The following PAM variants were observed in gnomAD, a reference collection of about 807,000 sequenced individuals.
PAM encodes peptidyl-glycine alpha-amidating monooxygenase.
In PAM, 72 loss-of-function variants were observed where a neutral mutation model predicts 122.1. The observed-to-expected ratio is 0.59, with a 90% CI of 0.49 to 0.72. The LOEUF (loss-of-function observed/expected upper bound fraction) is 0.72. PAM is among the 30% of genes least tolerant of loss of function. The pLI, the probability that PAM is intolerant of heterozygous loss-of-function variation, is 0.00. For missense variants in PAM, 1,106 were observed against 1,183.7 expected (o/e 0.93, Z 0.96); for synonymous variants, 389 against 404.4 (o/e 0.96, Z 0.46).
intron 3 of PAM, among the ~76,000 whole-genome samples, chr5:102,898,334 CAGTGTTCTTTCCACAGAG>C (rs1472949449): frequency 6.6e-6 from 1 of 151,402 alleles, no homozygotes; most frequent in Non-Finnish European, 1.5e-5. Context: ...AGCTCAGATA[CAGTGTTCTTTCCACAGAG>C]AGAAAAAGAG....
chr5:103,005,938 T>C (rs201399931), intron 18 of PAM, among the ~76,000 whole-genome samples: 19 of 130,266 alleles, frequency 1.5e-4, no homozygotes, highest in African/African-American at 3.2e-4. Flanking sequence ...GTTGTTGCTG[T>C]TGTTGTTGTT....
At chr5:102,920,665 T>C (rs1013634248) in intron 5 of PAM, among the ~76,000 whole-genome samples, 2 of 152,140 alleles carry the variant, frequency 1.3e-5, no homozygotes, top group African/African-American at 4.8e-5. Context: ...CCTCATGCTA[T>C]TGATTTTGTG....
chr5:103,012,855 C>CAA (rs777801743), intron 21 of PAM, among the ~76,000 whole-genome samples: 30,414 of 99,398 alleles, frequency 0.31, 3,743 homozygotes, highest in East Asian at 0.47. Flanking sequence ...GACTCTGCCT[C>CAA]AAAAAAAAAA....
At chr5:102,958,679 A>G (rs1761576487) in intron 12 of PAM, among the ~76,000 whole-genome samples, 1 of 152,168 alleles carries the variant, frequency 6.6e-6, no homozygotes, top group Non-Finnish European at 1.5e-5. Flanking sequence ...AGAGCTTCCC[A>G]TGGCAGGGGC....
intron 7 of PAM, among the ~76,000 whole-genome samples, chr5:102,941,739 TTAATA>T (rs1755285014): frequency 1.3e-5 from 2 of 150,522 alleles, no homozygotes; most frequent in African/African-American, 2.4e-5. Flanking sequence ...TAAAAAAACT[TTAATA>T]TATGAATTTT....
At chr5:102,884,233 A>G (rs1792252966) in intron 3 of PAM, among the ~76,000 whole-genome samples, 1 of 151,814 alleles carries the variant, frequency 6.6e-6, no homozygotes, top group African/African-American at 2.4e-5. Context: ...CTATTATTTT[A>G]TAGTTGTTAA....
chr5:102,845,243 G>T (rs774639034), intron 1 of PAM, among the ~76,000 whole-genome samples: 16 of 152,188 alleles, frequency 1.1e-4, no homozygotes, highest in Admixed American at 3.3e-4. Flanking sequence ...GAGAGGAGGG[G>T]CACATGAAAT....
intron 13 of PAM, among the ~76,000 whole-genome samples, chr5:102,960,791 A>G (rs1398632378): frequency 6.6e-6 from 1 of 151,774 alleles, no homozygotes; most frequent in Non-Finnish European, 1.5e-5. Context: ...TTAAGATTCT[A>G]CTATATTTAT....
At chr5:102,844,474 C>A (rs577220893) in intron 1 of PAM, among the ~76,000 whole-genome samples, 2 of 152,148 alleles carry the variant, frequency 1.3e-5, no homozygotes, top group South Asian at 4.2e-4. Flanking sequence ...TGAGACCAGC[C>A]TGGGTAACAT....
intron 3 of PAM, among the ~76,000 whole-genome samples, chr5:102,881,999 T>C (rs772177035): frequency 1.1e-4 from 16 of 143,446 alleles, no homozygotes; most frequent in Non-Finnish European, 2.1e-4. Context: ...TCCAGGTTGC[T>C]GTGAATGCCA....
chr5:102,988,091 G>T (rs1356297325), intron 15 of PAM, among the ~76,000 whole-genome samples: 1 of 151,856 alleles, frequency 6.6e-6, no homozygotes, highest in Non-Finnish European at 1.5e-5. Flanking sequence ...CAGAAATCAG[G>T]GTCAGCTAAT....
At chr5:102,995,768 T>G (rs565871384) in intron 16 of PAM, among the ~76,000 whole-genome samples, 1 of 152,080 alleles carries the variant, frequency 6.6e-6, no homozygotes, top group East Asian at 1.9e-4. Context: ...CATACTGAAT[T>G]TTTTTTGTCT....
At chr5:102,911,133 A>G (rs1801278038) in intron 4 of PAM, among the ~76,000 whole-genome samples, 1 of 151,960 alleles carries the variant, frequency 6.6e-6, no homozygotes, top group African/African-American at 2.4e-5. Context: ...TTGATTTGAC[A>G]TTCCTTTTGC....
At chr5:102,919,009 G>A (rs551628305) in intron 5 of PAM, among the ~76,000 whole-genome samples, 1 of 152,038 alleles carries the variant, frequency 6.6e-6, no homozygotes, top group African/African-American at 2.4e-5. Context: ...ACAAACCAAA[G>A]ATGGCTTCTA....
At chr5:102,960,594 C>A (rs1762163658) in intron 13 of PAM, among the ~76,000 whole-genome samples, 1 of 151,884 alleles carries the variant, frequency 6.6e-6, no homozygotes, top group Admixed American at 6.6e-5. Context: ...AGTTCCTCTG[C>A]AAAATGGTCA....
chr5:102,939,715 G>A (rs1376227047), intron 7 of PAM, among the ~76,000 whole-genome samples: 1 of 151,922 alleles, frequency 6.6e-6, no homozygotes, highest in Non-Finnish European at 1.5e-5. Context: ...AATGTATGAG[G>A]TATAATGTTC....
intron 5 of PAM, among the ~76,000 whole-genome samples, chr5:102,924,641 G>A (rs938674296): frequency 2.0e-5 from 3 of 151,756 alleles, no homozygotes; most frequent in African/African-American, 4.8e-5. Flanking sequence ...TCTATGTAAT[G>A]CTTGCTTTTC....
intron 3 of PAM, 79 bp downstream of exon 3, chr5:102,867,472 C>G: frequency 9.8e-7 from 1 of 1,017,460 alleles, no homozygotes; most frequent in African/African-American, 1.6e-5. Flanking sequence ...GCATTTACAG[C>G]TGTAGGAACT....
downstream of PAM, chr5:103,031,010 C>T (rs1033223182): frequency 2.0e-5 from 3 of 152,276 alleles, no homozygotes; most frequent in African/African-American, 7.2e-5. Context: ...TTTGATATGA[C>T]TGTTAGCACC....
Sources: allele counts gnomAD v4.1 joint callset (sites outside exome capture counted in the v4.1 genomes callset), GRCh38; gene constraint gnomAD v4.1.1; transcripts MANE v1.5; gene names NCBI Gene and HGNC (gene_info 2026-07-23, HGNC 2026-07-21).